CD44: variants seen among roughly 807,000 people sequenced by gnomAD.
CD44 encodes CD44 molecule (IN blood group).
A neutral mutation model predicts 88.8 loss-of-function variants in CD44; 49 were observed. The observed-to-expected ratio is 0.55, with a 90% CI of 0.44 to 0.70. The LOEUF (loss-of-function observed/expected upper bound fraction) is 0.70, where lower values mean the gene tolerates loss of function less well. CD44 is among the 30% of genes least tolerant of loss of function. The pLI is 0.00. For synonymous variants in CD44, 325 were observed against 312.3 expected (o/e 1.04, Z -0.43); for missense variants, 883 against 913.8 (o/e 0.97, Z 0.43).
chr11:35,211,510 A>C (rs1948387194), intron 14 of CD44, 61 bp downstream of exon 14: 8 of 1,242,616 alleles, frequency 6.4e-6, no homozygotes, highest in Non-Finnish European at 9.4e-6. Context: ...ATATAGTTTC[A>C]TATTACAGAG....
At chr11:35,214,205 T>A (rs946494501) in intron 14 of CD44, among the ~76,000 whole-genome samples, 1 of 152,184 alleles carries the variant, frequency 6.6e-6, no homozygotes, top group Non-Finnish European at 1.5e-5. Context: ...CTTTAAAAAA[T>A]TATTTTAAAC....
chr11:35,177,996 C>T (rs1944633868), intron 2 of CD44, among the ~76,000 whole-genome samples: 1 of 152,086 alleles, frequency 6.6e-6, no homozygotes, highest in South Asian at 2.1e-4. Flanking sequence ...AGCAGATGTA[C>T]ATAGACATCT....
At chr11:35,192,335 G>A (rs1352853970) in intron 5 of CD44, among the ~76,000 whole-genome samples, 4 of 152,198 alleles carry the variant, frequency 2.6e-5, no homozygotes, top group East Asian at 1.9e-4. Context: ...CTTGAACGTA[G>A]CATAATGGCA....
chr11:35,219,271 T>C, intron 15 of CD44, 45 bp from the exon 16 acceptor site: 1 of 1,441,182 alleles, frequency 6.9e-7, no homozygotes, highest in East Asian at 2.3e-5. Flanking sequence ...AACTCATGGT[T>C]ACACATTTCA....
chr11:35,139,683 G>A (rs940074519), intron 1 of CD44: 8 of 613,362 alleles, frequency 1.3e-5, no homozygotes, highest in Non-Finnish European at 2.1e-5. Context: ...TCCCGGATGC[G>A]CACAGTCGTT....
intron 3 of CD44, among the ~76,000 whole-genome samples, chr11:35,181,698 T>TTATA: frequency 1.5e-5 from 2 of 136,198 alleles, no homozygotes; most frequent in African/African-American, 5.5e-5. Context: ...ATATATTTAT[T>TTATA]TATATATATT....
intron 7 of CD44, among the ~76,000 whole-genome samples, chr11:35,200,837 A>C (rs573939813): frequency 4.6e-5 from 7 of 152,314 alleles, no homozygotes; most frequent in African/African-American, 1.2e-4. Flanking sequence ...TTTATCTGGA[A>C]GATCTCATGT....
intron 17 of CD44, among the ~76,000 whole-genome samples, chr11:35,221,974 T>TA (rs1228642297): frequency 1.3e-5 from 2 of 152,208 alleles, no homozygotes; most frequent in African/African-American, 4.8e-5. Flanking sequence ...CCCCGGTTTT[T>TA]AGAGACAGGA....
intron 12 of CD44, 69 bp from the exon 13 acceptor site, chr11:35,209,895 CT>C: frequency 9.8e-7 from 1 of 1,025,102 alleles, no homozygotes; most frequent in Non-Finnish European, 1.4e-6. Context: ...CTAGATTTTC[CT>C]TGCTAGCAGA....
At chr11:35,186,558 C>T (rs1006754575) in intron 3 of CD44, among the ~76,000 whole-genome samples, 1 of 152,082 alleles carries the variant, frequency 6.6e-6, no homozygotes, top group African/African-American at 2.4e-5. Flanking sequence ...TTCCACAGTG[C>T]CTGATATAGA....
At chr11:35,227,552 T>C (rs1949791322) in intron 17 of CD44, among the ~76,000 whole-genome samples, 1 of 152,216 alleles carries the variant, frequency 6.6e-6, no homozygotes, top group Non-Finnish European at 1.5e-5. Flanking sequence ...CCCATGAATC[T>C]GTTTCACAGT....
At chr11:35,218,219 T>C (rs185960510) in intron 15 of CD44, among the ~76,000 whole-genome samples, 103 of 152,328 alleles carry the variant, frequency 6.8e-4, no homozygotes, top group African/African-American at 2.2e-3. Context: ...TATTTTGCTT[T>C]TTAGCAGTAG....
Position 35,198,229 on chromosome 11 carries a change from A to G in CD44, c.905A>G (p.Asp302Gly). 1 of 1,614,000 alleles carries G rather than the reference A, an allele frequency of 6.2e-7. No individual in the cohort carries two copies. Among genetic ancestry groups the G allele is most frequent in the African/African-American group, 1.3e-5 (1 of 75,054 alleles). ...GGATCAGGCATTGATGATGATGAAGATTTTATCTCCAGCACCAGTAAGAAT... is the reference window on the plus strand; with the variant it reads ...GGATCAGGCATTGATGATGATGAAGGTTTTATCTCCAGCACCAGTAAGAAT... ...FSGSGIDDDE[D>G]FISSTISTTP... The change falls in exon 7 of 18, where the codon GAT becomes GGT. Residue 302 changes from aspartate to glycine, a missense_variant. Physicochemically the swap from Asp to Gly is moderately conservative, Grantham distance 94. Coordinates refer to ENST00000428726, the MANE Select transcript of CD44 (RefSeq NM_000610.4).
chr11:35,203,683 A>G (rs571907715), intron 9 of CD44, among the ~76,000 whole-genome samples: 1 of 152,032 alleles, frequency 6.6e-6, no homozygotes, highest in East Asian at 1.9e-4. Flanking sequence ...TGGCAAGTTT[A>G]TAGACTCTCA....
chr11:35,210,983 C>T (rs1407472154), intron 13 of CD44, among the ~76,000 whole-genome samples: 1 of 152,156 alleles, frequency 6.6e-6, no homozygotes, highest in African/African-American at 2.4e-5. Flanking sequence ...CATAGCCTTA[C>T]CTAATAACCC....
chr11:35,202,270 T>C (rs1258485651), intron 9 of CD44, among the ~76,000 whole-genome samples: 3 of 152,222 alleles, frequency 2.0e-5, no homozygotes, highest in Non-Finnish European at 4.4e-5. Context: ...AGAGCAAAGT[T>C]GGTAGCTCTT....
Position 35,180,326 on chromosome 11 carries a change from A to T in CD44, c.286A>T (p.Ile96Phe). ...GATTCCCCGGATCCACCCCAACTCC[A>T]TCTGTGCAGCAAACAACACAGGGGT... The part of the protein sequence containing the change: ...VVIPRIHPNS[I>F]CAANNTGVYI... Residue 96 changes from isoleucine to phenylalanine, a missense_variant, in exon 3 of 18, where the codon ATC (isoleucine) becomes TTC (phenylalanine). This residue lies in a region of CD44 where 252 missense variants were observed against 322.9 expected (regional missense o/e 0.78). Coordinates refer to ENST00000428726, the MANE Select transcript of CD44 (RefSeq NM_000610.4). 1 of 1,614,078 alleles carries T rather than the reference A, an allele frequency of 6.2e-7. No individual in the cohort carries two copies. Among genetic ancestry groups the T allele is most frequent in the Non-Finnish European group, 8.5e-7 (1 of 1,179,964 alleles).
At chr11:35,155,709 GCTACA>G (rs1309579904) in intron 1 of CD44, among the ~76,000 whole-genome samples, 3 of 152,160 alleles carry the variant, frequency 2.0e-5, no homozygotes, top group Non-Finnish European at 4.4e-5. Flanking sequence ...CACTGTTGGA[GCTACA>G]CCATGCATGA....
chr11:35,176,039 ATTTTTTT>A (rs201610565), intron 1 of CD44, among the ~76,000 whole-genome samples: 22,270 of 102,418 alleles, frequency 0.22, 1,820 homozygotes, highest in Middle Eastern at 0.39. Context: ...TAATTTTTGT[ATTTTTTT>A]TTTTTTTTTT....
Sources: allele counts gnomAD v4.1 joint callset (sites outside exome capture counted in the v4.1 genomes callset), GRCh38; gene constraint gnomAD v4.1.1; regional missense constraint gnomAD v4.1.1; transcripts MANE v1.5; gene names NCBI Gene and HGNC (gene_info 2026-07-23, HGNC 2026-07-21).